EXOC6B: variants seen among roughly 807,000 people sequenced by gnomAD.
The protein encoded by EXOC6B is exocyst complex component 6B.
A neutral mutation model predicts 113.5 loss-of-function variants in EXOC6B; 54 were observed. The ratio of observed to expected loss-of-function variants is 0.48; its 90% CI spans 0.38 to 0.60. The LOEUF (loss-of-function observed/expected upper bound fraction) is 0.60, where lower values mean the gene tolerates loss of function less well. Ranked by LOEUF, EXOC6B falls within the 20% of genes least tolerant of loss-of-function variation. The pLI, the probability that EXOC6B is intolerant of heterozygous loss-of-function variation, is 0.00. For missense variants in EXOC6B, 797 were observed against 977.5 expected (o/e 0.82, Z 2.46); for synonymous variants, 357 against 339.0 (o/e 1.05, Z -0.58).
intron 18 of EXOC6B, among the ~76,000 whole-genome samples, chr2:72,409,956 T>C (rs1305061029): frequency 6.6e-6 from 1 of 152,112 alleles, no homozygotes; most frequent in South Asian, 2.1e-4. Context: ...GGTCCCACAA[T>C]GAGAACATGG....
intron 1 of EXOC6B, among the ~76,000 whole-genome samples, chr2:72,790,224 C>T (rs1011734341): frequency 9.9e-5 from 15 of 152,250 alleles, no homozygotes; most frequent in African/African-American, 3.6e-4. Flanking sequence ...TGAGATAATT[C>T]TTTAAATTTT....
In EXOC6B at chr2:72,731,217, T is replaced by C. The variant is rs752789437; in HGVS notation, c.356A>G (p.Gln119Arg). Residue 119 changes from glutamine to arginine, a missense_variant, in exon 4 of 22, where the codon CAG becomes CGG. Coordinates refer to ENST00000272427, the MANE Select transcript of EXOC6B (RefSeq NM_015189.3). ...ELVIAMEELK[Q>R]CRLQQRNISA... is the part of the protein sequence containing the mutation. ...AATATTTCTCTGTTGTAGTCGACAC[T>C]GCTTCAGCTCTTCCATTGCTATTAC... is the stretch of plus-strand genomic sequence containing the variant. 13 of 1,613,188 alleles carry C rather than the reference T, an allele frequency of 8.1e-6. No homozygotes were observed. Among genetic ancestry groups the C allele is most frequent in the Non-Finnish European group, 1.1e-5 (13 of 1,179,624 alleles).
intron 20 of EXOC6B, among the ~76,000 whole-genome samples, chr2:72,284,915 A>T (rs184866765): frequency 1.3e-5 from 2 of 152,042 alleles, no homozygotes; most frequent in Non-Finnish European, 2.9e-5. Context: ...GTATAAATCT[A>T]ACAAAATATG....
chr2:72,519,332 C>T (rs1045770277), intron 8 of EXOC6B, among the ~76,000 whole-genome samples: 1 of 151,994 alleles, frequency 6.6e-6, no homozygotes, highest in African/African-American at 2.4e-5. Flanking sequence ...TTTAAAATGG[C>T]CCCCAACCAT....
At chr2:72,612,274 C>CA (rs1028572503) in intron 6 of EXOC6B, among the ~76,000 whole-genome samples, 6,550 of 139,802 alleles carry the variant, frequency 0.047, 474 homozygotes, top group African/African-American at 0.16. Context: ...GACTCTGTCT[C>CA]AAAAAAAAAA....
chr2:72,379,481 C>T (rs1691552471), intron 19 of EXOC6B, among the ~76,000 whole-genome samples: 1 of 152,120 alleles, frequency 6.6e-6, no homozygotes, highest in Non-Finnish European at 1.5e-5. Context: ...CTTATATCAC[C>T]CCATAGATTA....
In EXOC6B at chr2:72,397,629, AT is replaced by A. The variant is rs1208603618; in HGVS notation, c.1981-17760del. On this transcript the variant is annotated intron_variant, in intron 18 of 21. Transcript: ENST00000272427. ...TGAAACCTCATCTCAAAAAAAAAAA[AT>A]AAAATAAAATAAAATAAAATAAAAT... Among the ~76,000 whole-genome samples, 110 of 118,372 alleles carry A rather than the reference AT, an allele frequency of 9.3e-4. 4 individuals carry two copies. Among genetic ancestry groups the A allele is most frequent in the African/African-American group, 4.2e-3 (97 of 23,194 alleles). 77.7% of individuals were successfully genotyped at this position (118,372 alleles called of 152,430 possible).
At chr2:72,778,811 A>C (rs2104979920) in intron 1 of EXOC6B, among the ~76,000 whole-genome samples, 1 of 152,294 alleles carries the variant, frequency 6.6e-6, no homozygotes, top group South Asian at 2.1e-4. Context: ...TTCAGAGGAA[A>C]GTTAAGATCA....
At chr2:72,362,684 A>G (rs1197068197) in intron 19 of EXOC6B, among the ~76,000 whole-genome samples, 1 of 152,138 alleles carries the variant, frequency 6.6e-6, no homozygotes, top group South Asian at 2.1e-4. Flanking sequence ...CAACTCTACC[A>G]TAGATTACTG....
intron 8 of EXOC6B, among the ~76,000 whole-genome samples, chr2:72,533,064 T>A (rs1048658399): frequency 2.0e-5 from 3 of 152,112 alleles, no homozygotes; most frequent in African/African-American, 7.2e-5. Context: ...CTTAAGAGGG[T>A]ACTAAAGCAA....
intron 7 of EXOC6B, among the ~76,000 whole-genome samples, chr2:72,570,278 CCTT>C (rs1189081483): frequency 8.5e-5 from 13 of 152,254 alleles, no homozygotes; most frequent in Middle Eastern, 3.4e-3. Flanking sequence ...CCTGGTGGAA[CCTT>C]GATCTTGGAC....
intron 6 of EXOC6B, among the ~76,000 whole-genome samples, chr2:72,652,082 T>G (rs1445307395): frequency 6.6e-6 from 1 of 152,138 alleles, no homozygotes; most frequent in Non-Finnish European, 1.5e-5. Flanking sequence ...TTAGTCAATA[T>G]TTTTACTTTC....
chr2:72,307,754 G>A (rs1686970572), intron 20 of EXOC6B, among the ~76,000 whole-genome samples: 1 of 152,056 alleles, frequency 6.6e-6, no homozygotes, highest in African/African-American at 2.4e-5. Context: ...AGGAGTTTTA[G>A]AACATGATAC....
intron 20 of EXOC6B, among the ~76,000 whole-genome samples, chr2:72,241,044 G>A (rs745843891): frequency 1.6e-4 from 24 of 152,128 alleles, no homozygotes; most frequent in South Asian, 2.1e-4. Context: ...ATCAGCTAGA[G>A]GCTTATTGTG....
chr2:72,511,946 A>G (rs1700924537), intron 11 of EXOC6B, among the ~76,000 whole-genome samples: 1 of 152,078 alleles, frequency 6.6e-6, no homozygotes, highest in Non-Finnish European at 1.5e-5. Flanking sequence ...TCACTTAAAG[A>G]AATTGTTTTA....
chr2:72,733,244 T>C (rs1458311051), intron 2 of EXOC6B, 126 bp from the exon 3 acceptor site: 11 of 695,808 alleles, frequency 1.6e-5, no homozygotes, highest in African/African-American at 1.3e-4. Context: ...CCACTACATA[T>C]TGGTCCAGTG....
At chr2:72,422,535 C>G (rs7600134) in intron 18 of EXOC6B, among the ~76,000 whole-genome samples, 30,143 of 147,252 alleles carry the variant, frequency 0.2, 5,569 homozygotes, top group African/African-American at 0.5. Flanking sequence ...TCTAGCTGCT[C>G]TGGTGGGGCC....
chr2:72,643,910 C>G (rs1416322043), intron 6 of EXOC6B, among the ~76,000 whole-genome samples: 1 of 152,024 alleles, frequency 6.6e-6, no homozygotes, highest in Non-Finnish European at 1.5e-5. Context: ...GATCACAGTT[C>G]CTTGCCAGCA....
chr2:72,546,259 G>T (rs996981369), intron 8 of EXOC6B, among the ~76,000 whole-genome samples: 2 of 152,102 alleles, frequency 1.3e-5, no homozygotes, highest in Non-Finnish European at 2.9e-5. Context: ...GACCAGCCTG[G>T]CCAGCATGGC....
Sources: allele counts gnomAD v4.1 joint callset (sites outside exome capture counted in the v4.1 genomes callset), GRCh38; gene constraint gnomAD v4.1.1; transcripts MANE v1.5; gene names NCBI Gene and HGNC (gene_info 2026-07-23, HGNC 2026-07-21).